Variants in EPHB1 observed in about 807,000 individuals in gnomAD.
The protein encoded by EPHB1 is ephrin type-B receptor 1.
EPHB1 carries 30 observed loss-of-function variants against 94.4 expected under a neutral mutation model. The observed-to-expected ratio is 0.32, with a 90% CI of 0.24 to 0.43. The LOEUF (loss-of-function observed/expected upper bound fraction) is 0.43. Among genes scored for constraint, EPHB1 ranks in the 20% least tolerant of loss-of-function variants. The pLI, the probability that EPHB1 is intolerant of heterozygous loss-of-function variation, is 1.00. For synonymous variants in EPHB1, 522 were observed against 489.1 expected (o/e 1.07, Z -0.89); for missense variants, 1,055 against 1,308.3 (o/e 0.81, Z 2.99).
intron 4 of EPHB1, among the ~76,000 whole-genome samples, chr3:135,121,842 C>T (rs1283853127): frequency 4.0e-5 from 6 of 151,796 alleles, no homozygotes; most frequent in Admixed American, 2.0e-4. Context: ...TGCACTTGGT[C>T]CCTGTTTCCC....
chr3:134,915,670 T>C (rs1253630742), intron 1 of EPHB1, among the ~76,000 whole-genome samples: 1 of 152,194 alleles, frequency 6.6e-6, no homozygotes, highest in Middle Eastern at 3.2e-3. Context: ...GTGGTCTCGC[T>C]GGCTCAGGAG....
intron 3 of EPHB1, among the ~76,000 whole-genome samples, chr3:134,992,380 C>A (rs1009052450): frequency 6.6e-6 from 1 of 152,140 alleles, no homozygotes; most frequent in South Asian, 2.1e-4. Context: ...GCTCTCTGTG[C>A]GCAAAGGACA....
intron 3 of EPHB1, among the ~76,000 whole-genome samples, chr3:135,042,179 G>C (rs1297376884): frequency 1.3e-5 from 2 of 152,110 alleles, no homozygotes; most frequent in African/African-American, 4.8e-5. Flanking sequence ...TGATCCAACT[G>C]CCTCAGCTTC....
At chr3:135,235,426 T>TG (rs1368725681) in intron 12 of EPHB1, among the ~76,000 whole-genome samples, 1 of 152,044 alleles carries the variant, frequency 6.6e-6, no homozygotes, top group African/African-American at 2.4e-5. Flanking sequence ...TAGAACCAGT[T>TG]TTATGAGCCC....
At chr3:134,893,030 C>G (rs564274928) in intron 1 of EPHB1, among the ~76,000 whole-genome samples, 3 of 152,216 alleles carry the variant, frequency 2.0e-5, no homozygotes, top group African/African-American at 7.2e-5. Flanking sequence ...GCATCTTTCT[C>G]TAGCCAAATA....
rs1450837053 is a variant in EPHB1, at chr3:135,248,613, T to C, written c.2690+104T>C. 4.1e-6 allele frequency: 5 copies of C among 1,223,656 alleles called. No homozygotes were observed. The African/African-American group carries it at 6.1e-5, about 15-fold the overall frequency. 75.8% of individuals were successfully genotyped at this position (1,223,656 alleles called of 1,614,324 possible). A position where few individuals can be genotyped will look rare whatever the true frequency, so the allele number is the denominator to read the frequency against. On this transcript the variant is annotated intron_variant, in intron 14 of 15. Coordinates refer to ENST00000398015, the MANE Select transcript of EPHB1 (RefSeq NM_004441.5). ...TCATGTTCGAATTTTTTAAAGAGTATCTAGTTGCAGTGTGGGCCTTATGTT... is the reference window on the plus strand; with the variant it reads ...TCATGTTCGAATTTTTTAAAGAGTACCTAGTTGCAGTGTGGGCCTTATGTT...
chr3:134,827,797 C>A (rs1411991877), intron 1 of EPHB1, among the ~76,000 whole-genome samples: 1 of 152,148 alleles, frequency 6.6e-6, no homozygotes, highest in Non-Finnish European at 1.5e-5. Context: ...CAAGAGTACA[C>A]AGACAGTTAG....
At chr3:134,820,337 C>T in intron 1 of EPHB1, among the ~76,000 whole-genome samples, 1 of 152,204 alleles carries the variant, frequency 6.6e-6, no homozygotes, top group East Asian at 1.9e-4. Context: ...ATAGTCTAGG[C>T]ATGGAGACAA....
In EPHB1 at chr3:135,133,096, CTT is replaced by C. The variant is rs779162248; in HGVS notation, c.1297+49_1297+50del. The C allele has an allele frequency of 5.3e-6, 8 of 1,523,162 alleles. No homozygotes were observed. The East Asian group carries it at 1.6e-4, about 30-fold the overall frequency. The allele number at this position is 1,523,162 out of a possible 1,614,324, so 94.4% of individuals were successfully genotyped here. ...CTCCTGTTTGGATGTGTGGCTGGCTCTTTGTCTCTAGGCAGGGACACAGCTGC... is the reference window on the plus strand; with the variant it reads ...CTCCTGTTTGGATGTGTGGCTGGCTCTGTCTCTAGGCAGGGACACAGCTGC... On this transcript the variant is annotated intron_variant, in intron 5 of 15. Transcript: ENST00000398015.
intron 3 of EPHB1, among the ~76,000 whole-genome samples, chr3:135,015,773 C>G (rs375722967): frequency 6.6e-6 from 1 of 152,192 alleles, no homozygotes; most frequent in African/African-American, 2.4e-5. Context: ...GTGGCTGGGA[C>G]TGCTTTAGCT....
At chr3:135,134,735 G>A (rs987996862) in intron 5 of EPHB1, among the ~76,000 whole-genome samples, 1 of 152,218 alleles carries the variant, frequency 6.6e-6, no homozygotes. Flanking sequence ...CCCTTGAAGA[G>A]TTTAGGCAGA....
intron 3 of EPHB1, among the ~76,000 whole-genome samples, chr3:134,979,477 T>C (rs1280496208): frequency 2.0e-5 from 3 of 152,214 alleles, no homozygotes; most frequent in Non-Finnish European, 4.4e-5. Context: ...CAAGAAGACA[T>C]TTTAGAAAGG....
chr3:134,810,217 G>T (rs955237372), intron 1 of EPHB1, among the ~76,000 whole-genome samples: 4 of 151,744 alleles, frequency 2.6e-5, no homozygotes, highest in African/African-American at 9.7e-5. Context: ...GGTTTCTCTG[G>T]TTTTTGGCAA....
chr3:134,838,880 A>T (rs1050089989), intron 1 of EPHB1, among the ~76,000 whole-genome samples: 1 of 152,226 alleles, frequency 6.6e-6, no homozygotes, highest in African/African-American at 2.4e-5. Flanking sequence ...AAATGGAGGC[A>T]AACCTTCTAC....
intron 2 of EPHB1, 97 bp downstream of exon 2, chr3:134,925,977 G>A (rs1334731468): frequency 2.8e-6 from 3 of 1,071,606 alleles, no homozygotes; most frequent in Non-Finnish European, 4.0e-6. Flanking sequence ...GTACCTGTGG[G>A]GAATGGAATA....
At chr3:134,875,602 T>G (rs2037599896) in intron 1 of EPHB1, among the ~76,000 whole-genome samples, 1 of 152,210 alleles carries the variant, frequency 6.6e-6, no homozygotes, top group African/African-American at 2.4e-5. Flanking sequence ...ACTTCTGAAC[T>G]TTAGTTTCCA....
chr3:134,948,252 G>A (rs140877882), intron 2 of EPHB1, among the ~76,000 whole-genome samples: 1 of 152,100 alleles, frequency 6.6e-6, no homozygotes, highest in African/African-American at 2.4e-5. Context: ...CATTGACAGA[G>A]GGGCCCCATG....
chr3:135,140,097 C>G (rs138310474), intron 5 of EPHB1, among the ~76,000 whole-genome samples: 33 of 152,300 alleles, frequency 2.2e-4, no homozygotes, highest in African/African-American at 7.2e-4. Flanking sequence ...TGGCTACTGA[C>G]AATGAGACTG....
intron 4 of EPHB1, among the ~76,000 whole-genome samples, chr3:135,109,934 G>A (rs1214046091): frequency 2.0e-5 from 3 of 152,228 alleles, no homozygotes; most frequent in African/African-American, 7.2e-5. Context: ...GAGACATGGT[G>A]GGGTCAGCCG....
Sources: gnomAD v4.1 joint callset for allele counts (sites outside exome capture counted in the v4.1 genomes callset) on GRCh38, gnomAD v4.1.1 for gene constraint, MANE v1.5 for transcripts, NCBI Gene and HGNC (gene_info 2026-07-23, HGNC 2026-07-21) for gene names.